The following UBE2E1 variants were observed in gnomAD, a reference collection of about 807,000 sequenced individuals.
UBE2E1 encodes the protein ubiquitin-conjugating enzyme E2 E1.
UBE2E1 carries 6 observed loss-of-function variants against 21.4 expected under a neutral mutation model. The observed-to-expected ratio is 0.28, with a 90% CI of 0.15 to 0.55. The LOEUF (loss-of-function observed/expected upper bound fraction) is 0.55. Among genes scored for constraint, UBE2E1 ranks in the 20% least tolerant of loss-of-function variants. UBE2E1 has a pLI of 0.93. For missense variants in UBE2E1, 142 were observed against 236.5 expected (o/e 0.60, Z 2.62); for synonymous variants, 87 against 82.7 (o/e 1.05, Z -0.28).
chr3:23,869,613 G>A (rs1700737074), intron 3 of UBE2E1, among the ~76,000 whole-genome samples: 2 of 151,312 alleles, frequency 1.3e-5, no homozygotes, highest in African/African-American at 4.9e-5. Context: ...TCTCATCTGG[G>A]CTTAGTGGCT....
At chr3:23,850,878 C>T (rs893755525) in intron 3 of UBE2E1, among the ~76,000 whole-genome samples, 1 of 139,966 alleles carries the variant, frequency 7.1e-6, no homozygotes, top group African/African-American at 2.6e-5. Flanking sequence ...AGGGTTTTGC[C>T]GTGTTGCCCG....
At chr3:23,878,881 C>T in intron 3 of UBE2E1, 1 of 333,606 alleles carries the variant, frequency 3.0e-6, no homozygotes. Flanking sequence ...ACAATAAATA[C>T]AATGCACTTG....
chr3:23,865,148 A>T (rs2125315893), intron 3 of UBE2E1, among the ~76,000 whole-genome samples: 1 of 152,316 alleles, frequency 6.6e-6, no homozygotes, highest in East Asian at 1.9e-4. Context: ...GGCTGTAGTC[A>T]AGGAGTCAGC....
chr3:23,840,606 T>C (rs183627323), intron 3 of UBE2E1, among the ~76,000 whole-genome samples: 15 of 152,296 alleles, frequency 9.8e-5, no homozygotes, highest in African/African-American at 3.4e-4. Context: ...ACCAGGGTCT[T>C]TTTCTTTCTG....
At chr3:23,883,154 A>G (rs1012065643) in intron 3 of UBE2E1, among the ~76,000 whole-genome samples, 1 of 152,160 alleles carries the variant, frequency 6.6e-6, no homozygotes, top group African/African-American at 2.4e-5. Context: ...CCATACTCTA[A>G]TCATTTGGAT....
chr3:23,886,953 A>G (rs977230352), intron 3 of UBE2E1, among the ~76,000 whole-genome samples: 1 of 152,252 alleles, frequency 6.6e-6, no homozygotes, highest in African/African-American at 2.4e-5. Context: ...ACAGGGTTGG[A>G]GGAATGTCTC....
chr3:23,885,798 T>G (rs1412858300), intron 3 of UBE2E1, among the ~76,000 whole-genome samples: 1 of 152,106 alleles, frequency 6.6e-6, no homozygotes, highest in African/African-American at 2.4e-5. Context: ...AGGCGGAGGT[T>G]GCATTGAGCC....
At chr3:23,856,421 A>G (rs1398396754) in intron 3 of UBE2E1, among the ~76,000 whole-genome samples, 1 of 152,218 alleles carries the variant, frequency 6.6e-6, no homozygotes, top group African/African-American at 2.4e-5. Flanking sequence ...CGTTTAAAAC[A>G]TTAGCCTTCT....
At chr3:23,819,546 T>G (rs1699601282) in intron 3 of UBE2E1, among the ~76,000 whole-genome samples, 1 of 152,122 alleles carries the variant, frequency 6.6e-6, no homozygotes, top group Admixed American at 6.5e-5. Flanking sequence ...CCAGCAGACT[T>G]TAAGTTCCTC....
At chr3:23,846,697 T>TTAA in intron 3 of UBE2E1, among the ~76,000 whole-genome samples, 1 of 6,518 alleles carries the variant, frequency 1.5e-4, no homozygotes, top group Non-Finnish European at 3.1e-4. Context: ...CTCCATCTCA[T>TTAA]CAAAAAAAAA....
In UBE2E1 at chr3:23,887,097, A is replaced by G. The variant is rs928121717; in HGVS notation, c.204-470A>G. Among the ~76,000 whole-genome samples, 31 of 152,220 alleles carry G rather than the reference A, an allele frequency of 2.0e-4. No homozygotes were observed. Among genetic ancestry groups the G allele is most frequent in the African/African-American group, 7.5e-4 (31 of 41,450 alleles). On this transcript the variant is annotated intron_variant, in intron 3 of 5. Transcript: ENST00000306627. This position sits in a 1 kb window ranked among gnomAD's most constrained non-coding sequence, Gnocchi z 4.4. The stretch of plus-strand genomic sequence containing the variant: ...TTTTACATTATAAACCATCTATTAG[A>G]TTCTTTTAAAGGTGAGATTATGGAG...
intron 3 of UBE2E1, among the ~76,000 whole-genome samples, chr3:23,827,023 C>T (rs1297803765): frequency 1.3e-5 from 2 of 151,980 alleles, no homozygotes; most frequent in Non-Finnish European, 2.9e-5. Context: ...ATGACTCCTC[C>T]CTCTCCCCAC....
At chr3:23,846,057 TG>T (rs2125303883) in intron 3 of UBE2E1, among the ~76,000 whole-genome samples, 1 of 152,330 alleles carries the variant, frequency 6.6e-6, no homozygotes, top group South Asian at 2.1e-4. Context: ...TTCAAACCAG[TG>T]CCCTAGCTTA....
At chr3:23,851,032 T>C (rs928700764) in intron 3 of UBE2E1, among the ~76,000 whole-genome samples, 1 of 152,084 alleles carries the variant, frequency 6.6e-6, no homozygotes, top group Non-Finnish European at 1.5e-5. Flanking sequence ...AGTTTTTCGA[T>C]TTGGATCAGT....
intron 3 of UBE2E1, among the ~76,000 whole-genome samples, chr3:23,845,880 A>G (rs911597297): frequency 6.6e-6 from 1 of 152,206 alleles, no homozygotes; most frequent in Non-Finnish European, 1.5e-5. Flanking sequence ...AAATTTATTA[A>G]TAGTTTTCAC....
rs569001379 is a variant in UBE2E1 at position 23,855,854 on chromosome 3, A to C, written c.204-31713A>C. On this transcript the variant is annotated intron_variant, in intron 3 of 5. Transcript: ENST00000306627. ...CAAAAAAATAAAAATAAAAAATAAA[A>C]AAAAGAAGTAGTGCTTTAGGGCTTA... 4.6e-5 allele frequency among the ~76,000 whole-genome samples: 7 copies of C among 152,170 alleles called. No homozygotes were observed. In the East Asian group the frequency reaches 1.4e-3, roughly 29 times the overall value.
chr3:23,829,292 C>G (rs1040423584), intron 3 of UBE2E1, among the ~76,000 whole-genome samples: 10 of 149,670 alleles, frequency 6.7e-5, no homozygotes, highest in Non-Finnish European at 1.5e-4. Flanking sequence ...TCCTAAGTAG[C>G]TGGGACAACA....
chr3:23,811,459 G>C lies in UBE2E1; in HGVS notation c.153-1G>C. Reference sequence around the variant, plus strand: ...TGTCTTTCCCATTTCTCCCACTCCAGAATTCAGAAGGAGCTGGCGGACATC... The same window carrying C: ...TGTCTTTCCCATTTCTCCCACTCCACAATTCAGAAGGAGCTGGCGGACATC... On this transcript the variant is annotated splice_acceptor_variant, in intron 2 of 5. Transcript: ENST00000306627. LOFTEE classifies it high-confidence loss of function. 6.2e-7 allele frequency: 1 copy of C among 1,614,178 alleles called. No individual in the cohort carries two copies. The highest frequency in any genetic ancestry group is 8.5e-7 in the Non-Finnish European group (1 of 1,180,024).
Position 23,890,766 on chromosome 3 carries a change from A to T in UBE2E1, c.*160A>T. Reference sequence around the variant, plus strand: ...CTAAGATTTTGTTGTAACTTAAGGTATCTTGCTACAGTAGACAGAATTGGT... The same window carrying T: ...CTAAGATTTTGTTGTAACTTAAGGTTTCTTGCTACAGTAGACAGAATTGGT... On this transcript the variant is annotated 3_prime_UTR_variant, in exon 6 of 6. Transcript: ENST00000306627. 1 of 587,090 alleles carries T rather than the reference A, an allele frequency of 1.7e-6. No homozygotes were observed. Among genetic ancestry groups the T allele is most frequent in the Non-Finnish European group, 2.7e-6 (1 of 367,986 alleles). The allele number at this position is 587,090 out of a possible 1,614,324, so 36.4% of individuals were successfully genotyped here.
Sources: allele counts gnomAD v4.1 joint callset (sites outside exome capture counted in the v4.1 genomes callset), GRCh38; gene constraint gnomAD v4.1.1; non-coding constraint Gnocchi (gnomAD v3.1); transcripts MANE v1.5; gene names NCBI Gene and HGNC (gene_info 2026-07-23, HGNC 2026-07-21).